HPSE2: variants seen among roughly 807,000 people sequenced by gnomAD.
HPSE2 encodes inactive heparanase-2.
A neutral mutation model predicts 60.5 loss-of-function variants in HPSE2; 38 were observed. That is an observed-to-expected ratio of 0.63 (90% CI 0.48 to 0.82). HPSE2 has a LOEUF of 0.82. Among genes scored for constraint, HPSE2 ranks in the 40% least tolerant of loss-of-function variants. The probability of loss-of-function intolerance (pLI) is 0.00; values close to 1 mark genes in which losing one functional copy is unlikely to be tolerated. For missense variants in HPSE2, 713 were observed against 740.4 expected, an observed-to-expected ratio of 0.96 and a Z score of 0.43; for synonymous variants, 295 against 293.2, an observed-to-expected ratio of 1.01 and a Z score of -0.06.
chr10:99,079,454 AG>A (rs773479990), intron 3 of HPSE2, among the ~76,000 whole-genome samples: 1 of 152,070 alleles, frequency 6.6e-6, no homozygotes, highest in Non-Finnish European at 1.5e-5. Context: ...TCCACAAGCA[AG>A]TTGGGGTATT....
At chr10:99,026,233 C>T (rs1247365083) in intron 3 of HPSE2, among the ~76,000 whole-genome samples, 1 of 152,060 alleles carries the variant, frequency 6.6e-6, no homozygotes, top group Middle Eastern at 3.2e-3. Flanking sequence ...ACAAGAAACA[C>T]ACCTCACCTA....
chr10:99,190,351 A>G (rs575078931), intron 2 of HPSE2, among the ~76,000 whole-genome samples: 1 of 152,344 alleles, frequency 6.6e-6, no homozygotes, highest in Admixed American at 6.5e-5. Flanking sequence ...GTATCTATCT[A>G]TAATACAGAA....
intron 5 of HPSE2, among the ~76,000 whole-genome samples, chr10:98,702,109 G>A (rs1446979113): frequency 6.6e-6 from 1 of 152,084 alleles, no homozygotes; most frequent in Non-Finnish European, 1.5e-5. Context: ...AGGGATGGAG[G>A]AATATTTACC....
At chr10:98,989,646 T>TAAA (rs565938013) in intron 3 of HPSE2, among the ~76,000 whole-genome samples, 1 of 138,584 alleles carries the variant, frequency 7.2e-6, no homozygotes, top group Non-Finnish European at 1.6e-5. Context: ...TAAAGTATAA[T>TAAA]AAAAAAAAAA....
intron 3 of HPSE2, among the ~76,000 whole-genome samples, chr10:98,799,772 C>T (rs765904399): frequency 6.6e-6 from 1 of 151,402 alleles, no homozygotes; most frequent in Non-Finnish European, 1.5e-5. Context: ...CTATGGGATA[C>T]AGCAGAAGCA....
intron 7 of HPSE2, 105 bp from the exon 8 acceptor site, chr10:98,620,813 T>C (rs1161919205): frequency 1.2e-6 from 1 of 821,752 alleles, no homozygotes; most frequent in Non-Finnish European, 2.0e-6. Flanking sequence ...ATTTCCTGTT[T>C]TCAGGGGGTC....
chr10:99,190,592 G>A (rs1848186063), intron 2 of HPSE2, among the ~76,000 whole-genome samples: 2 of 152,092 alleles, frequency 1.3e-5, no homozygotes, highest in African/African-American at 4.8e-5. Flanking sequence ...AATATTCTCA[G>A]GCCCAGACTT....
At chr10:99,013,284 C>A (rs1957059543) in intron 3 of HPSE2, 1 of 622,440 alleles carries the variant, frequency 1.6e-6, no homozygotes, top group Non-Finnish European at 3.1e-6. Flanking sequence ...AATCAGTAAC[C>A]CAGCTTTTCT....
At chr10:98,560,543 T>C (rs1048143807) in intron 9 of HPSE2, among the ~76,000 whole-genome samples, 5 of 152,216 alleles carry the variant, frequency 3.3e-5, no homozygotes, top group African/African-American at 1.2e-4. Flanking sequence ...AGGCCCCACC[T>C]TTCTCTTTGC....
intron 3 of HPSE2, among the ~76,000 whole-genome samples, chr10:99,053,577 C>T (rs1227238425): frequency 6.6e-6 from 1 of 151,950 alleles, no homozygotes; most frequent in Non-Finnish European, 1.5e-5. Context: ...TAAACTTGAA[C>T]AAAATATTTG....
chr10:99,173,195 G>T (rs1196467557), intron 2 of HPSE2, among the ~76,000 whole-genome samples: 1 of 152,044 alleles, frequency 6.6e-6, no homozygotes, highest in Non-Finnish European at 1.5e-5. Context: ...TCAGAAAAGT[G>T]GTCTACTGAA....
intron 3 of HPSE2, among the ~76,000 whole-genome samples, chr10:98,773,928 A>G (rs918464237): frequency 2.0e-5 from 3 of 152,072 alleles, no homozygotes; most frequent in Non-Finnish European, 4.4e-5. Context: ...ATTGTGGTAC[A>G]TGCCTGTAGT....
intron 9 of HPSE2, among the ~76,000 whole-genome samples, chr10:98,597,923 A>G (rs1448083845): frequency 1.4e-5 from 2 of 141,202 alleles, no homozygotes; most frequent in East Asian, 4.3e-4. Flanking sequence ...GTGAGCCGAG[A>G]TCATGCCACT....
chr10:98,689,009 C>T (rs1307955706), intron 6 of HPSE2, among the ~76,000 whole-genome samples: 1 of 151,634 alleles, frequency 6.6e-6, no homozygotes, highest in Non-Finnish European at 1.5e-5. Context: ...TGTCTGAATG[C>T]TTTAAAGATT....
chr10:98,913,288 C>T, intron 3 of HPSE2, among the ~76,000 whole-genome samples: 1 of 152,198 alleles, frequency 6.6e-6, no homozygotes, highest in Non-Finnish European at 1.5e-5. Flanking sequence ...AGAAGTCCCG[C>T]AACCAAACTG....
intron 3 of HPSE2, among the ~76,000 whole-genome samples, chr10:99,122,139 T>A (rs1203552998): frequency 6.6e-6 from 1 of 152,014 alleles, no homozygotes; most frequent in Non-Finnish European, 1.5e-5. Flanking sequence ...AGAAAACCAA[T>A]CAAAATATTT....
intron 6 of HPSE2, among the ~76,000 whole-genome samples, chr10:98,657,927 C>T (rs944690243): frequency 3.4e-5 from 5 of 148,602 alleles, no homozygotes; most frequent in Non-Finnish European, 7.5e-5. Context: ...ATTTTTAGGA[C>T]ATATTTTCTC....
chr10:98,544,887 C>T (rs551461452), intron 9 of HPSE2, among the ~76,000 whole-genome samples: 91 of 151,926 alleles, frequency 6.0e-4, no homozygotes, highest in African/African-American at 2.1e-3. Flanking sequence ...AAAAGATCAA[C>T]GAAATTGATA....
chr10:98,847,732 G>A (rs1025497167), intron 3 of HPSE2, among the ~76,000 whole-genome samples: 1 of 152,188 alleles, frequency 6.6e-6, no homozygotes. Flanking sequence ...GATCTACTCT[G>A]CAGACCAGTT....
Sources: allele counts gnomAD v4.1 joint callset (sites outside exome capture counted in the v4.1 genomes callset), GRCh38; gene constraint gnomAD v4.1.1; transcripts MANE v1.5; gene names NCBI Gene and HGNC (gene_info 2026-07-23, HGNC 2026-07-21).